The following ZFAND3 variants were observed in gnomAD, a reference collection of about 807,000 sequenced individuals.
The protein encoded by ZFAND3 is AN1-type zinc finger protein 3.
ZFAND3 carries 10 observed loss-of-function variants against 29.6 expected under a neutral mutation model. The ratio of observed to expected loss-of-function variants is 0.34; its 90% CI spans 0.21 to 0.57. ZFAND3 has a LOEUF of 0.57. Ranked by LOEUF, ZFAND3 falls within the 20% of genes least tolerant of loss-of-function variation. ZFAND3 has a pLI of 0.86. For synonymous variants in ZFAND3, 128 were observed against 112.6 expected, an observed-to-expected ratio of 1.14 and a Z score of -0.87; for missense variants, 230 against 304.5, an observed-to-expected ratio of 0.76 and a Z score of 1.82.
chr6:37,874,176 G>T (rs560476022), intron 1 of ZFAND3, among the ~76,000 whole-genome samples: 4 of 152,278 alleles, frequency 2.6e-5, no homozygotes, highest in Admixed American at 2.6e-4. Context: ...TTCTCCCTGT[G>T]TGTTCACATC....
intron 5 of ZFAND3, among the ~76,000 whole-genome samples, chr6:38,138,103 G>A (rs1164144869): frequency 1.3e-5 from 2 of 152,066 alleles, no homozygotes; most frequent in Non-Finnish European, 2.9e-5. Flanking sequence ...GTTGAGCTCA[G>A]GAGTTGGAGA....
intron 3 of ZFAND3, among the ~76,000 whole-genome samples, chr6:38,064,544 A>G (rs1240050428): frequency 6.6e-6 from 1 of 152,214 alleles, no homozygotes; most frequent in African/African-American, 2.4e-5. Flanking sequence ...TACAACTGTC[A>G]TAGAGAATAA....
intron 4 of ZFAND3, among the ~76,000 whole-genome samples, chr6:38,103,805 T>C (rs892636132): frequency 4.6e-5 from 7 of 152,202 alleles, no homozygotes; most frequent in African/African-American, 1.7e-4. Context: ...TTTTTCAGTT[T>C]TGCTTTTCTG....
At chr6:38,131,579 T>C (rs1765742997) in intron 5 of ZFAND3, among the ~76,000 whole-genome samples, 1 of 152,256 alleles carries the variant, frequency 6.6e-6, no homozygotes, top group Admixed American at 6.5e-5. Flanking sequence ...AGGTTTCATA[T>C]TGGTTCCAGT....
intron 4 of ZFAND3, among the ~76,000 whole-genome samples, chr6:38,094,302 T>C (rs1035872551): frequency 7.9e-5 from 12 of 152,032 alleles, no homozygotes; most frequent in African/African-American, 2.9e-4. Flanking sequence ...AGTAACACTT[T>C]CCATGGGTAC....
At chr6:37,995,730 G>T (rs569518722) in intron 2 of ZFAND3, among the ~76,000 whole-genome samples, 1 of 152,254 alleles carries the variant, frequency 6.6e-6, no homozygotes, top group South Asian at 2.1e-4. Flanking sequence ...GCCCTTTAGT[G>T]AGCAAAACAA....
At chr6:37,901,942 G>A (rs1561927934) in intron 1 of ZFAND3, among the ~76,000 whole-genome samples, 1 of 152,140 alleles carries the variant, frequency 6.6e-6, no homozygotes, top group Non-Finnish European at 1.5e-5. Context: ...TGGTTCTCTG[G>A]TGCTGTATAT....
chr6:38,087,606 C>T (rs916075711), intron 4 of ZFAND3, among the ~76,000 whole-genome samples: 1 of 152,248 alleles, frequency 6.6e-6, no homozygotes. Flanking sequence ...CATCATTGAT[C>T]GTCAGAGAAC....
At chr6:38,002,308 A>G (rs1351228515) in intron 2 of ZFAND3, among the ~76,000 whole-genome samples, 3 of 151,202 alleles carry the variant, frequency 2.0e-5, no homozygotes, top group Non-Finnish European at 4.4e-5. Flanking sequence ...TTTTAAAGAA[A>G]ACAGTTTAAC....
At chr6:38,108,226 T>A (rs368190088) in intron 4 of ZFAND3, among the ~76,000 whole-genome samples, 128 of 152,286 alleles carry the variant, frequency 8.4e-4, no homozygotes, top group African/African-American at 2.9e-3. Flanking sequence ...TAGCTTATTT[T>A]CAGATGGTTC....
At chr6:37,838,224 A>G (rs1308091163) in intron 1 of ZFAND3, among the ~76,000 whole-genome samples, 3 of 152,222 alleles carry the variant, frequency 2.0e-5, no homozygotes, top group Admixed American at 1.3e-4. Flanking sequence ...AGGGAATGAA[A>G]GTGTTCATAA....
At chr6:37,996,809 C>T (rs887102803) in intron 2 of ZFAND3, among the ~76,000 whole-genome samples, 2 of 151,936 alleles carry the variant, frequency 1.3e-5, no homozygotes, top group African/African-American at 2.4e-5. Context: ...TGAGACATTT[C>T]CCATGTTTCT....
At chr6:37,903,952 G>T (rs1001241426) in intron 1 of ZFAND3, among the ~76,000 whole-genome samples, 1 of 151,990 alleles carries the variant, frequency 6.6e-6, no homozygotes, top group African/African-American at 2.4e-5. Context: ...CAAACTACTT[G>T]GCCTGCTTGG....
chr6:38,098,875 A>T (rs1425615500), intron 4 of ZFAND3, among the ~76,000 whole-genome samples: 1 of 151,996 alleles, frequency 6.6e-6, no homozygotes, highest in Admixed American at 6.6e-5. Flanking sequence ...TCTTCAATAC[A>T]TATATATATG....
At chr6:37,834,784 C>CATT (rs1554147146) in intron 1 of ZFAND3, among the ~76,000 whole-genome samples, 1 of 149,208 alleles carries the variant, frequency 6.7e-6, no homozygotes, top group Non-Finnish European at 1.5e-5. Context: ...ATGCATATAT[C>CATT]ATGCATATAT....
intron 4 of ZFAND3, among the ~76,000 whole-genome samples, chr6:38,103,530 T>C (rs1363317904): frequency 6.7e-6 from 1 of 148,982 alleles, no homozygotes; most frequent in Non-Finnish European, 1.5e-5. Context: ...TACACATATA[T>C]ATACACACAC....
intron 2 of ZFAND3, among the ~76,000 whole-genome samples, chr6:38,040,087 A>G (rs1195252714): frequency 6.6e-6 from 1 of 152,182 alleles, no homozygotes; most frequent in Non-Finnish European, 1.5e-5. Context: ...TACAGTCAGT[A>G]TATAAAGCAT....
chr6:37,980,725 CAA>C (rs1748593036), intron 2 of ZFAND3, among the ~76,000 whole-genome samples: 1 of 151,772 alleles, frequency 6.6e-6, no homozygotes, highest in African/African-American at 2.4e-5. Context: ...ATGAATTTGT[CAA>C]GAGTTTTATG....
intron 1 of ZFAND3, 82 bp from the exon 2 acceptor site, chr6:37,929,877 C>A: frequency 2.9e-6 from 4 of 1,363,862 alleles, no homozygotes; most frequent in South Asian, 3.2e-5. Context: ...TCTTTGCCTA[C>A]GTTTCTGACA....
Sources: allele counts gnomAD v4.1 joint callset (sites outside exome capture counted in the v4.1 genomes callset), GRCh38; gene constraint gnomAD v4.1.1; transcripts MANE v1.5; gene names NCBI Gene and HGNC (gene_info 2026-07-23, HGNC 2026-07-21).